Variants in MUC4 observed in about 807,000 individuals in gnomAD.
MUC4 encodes mucin 4, cell surface associated.
A neutral mutation model predicts 257.9 loss-of-function variants in MUC4; 202 were observed. That is an observed-to-expected ratio of 0.78 (90% CI 0.70 to 0.88). MUC4 has a LOEUF of 0.88. Ranked by LOEUF, MUC4 falls within the 40% of genes least tolerant of loss-of-function variation. The pLI is 0.00. For missense variants in MUC4, 5,976 were observed against 6,513.7 expected, an observed-to-expected ratio of 0.92 and a Z score of 2.84; for synonymous variants, 2,351 against 2,757.1, an observed-to-expected ratio of 0.85 and a Z score of 4.62.
At chr3:195,767,510 T>TCACCAC (rs750248612) in intron 7 of MUC4, among the ~76,000 whole-genome samples, 1 of 35,436 alleles carries the variant, frequency 2.8e-5, no homozygotes, top group Non-Finnish European at 7.0e-5. Flanking sequence ...ACCACCACCA[T>TCACCAC]CACCATCACC....
chr3:195,769,203 C>T (rs2148852295), intron 6 of MUC4, 51 bp from the exon 7 acceptor site: 1 of 1,604,574 alleles, frequency 6.2e-7, no homozygotes, highest in African/African-American at 1.3e-5. Context: ...GATCCGGGGT[C>T]TCCTCTCTTA....
chr3:195,798,288 A>G (rs371425278), intron 1 of MUC4, among the ~76,000 whole-genome samples: 1 of 152,252 alleles, frequency 6.6e-6, no homozygotes, highest in East Asian at 1.9e-4. Flanking sequence ...GCATTGAAAT[A>G]TGCCAAAGAA....
At chr3:195,769,297 A>C in intron 6 of MUC4, 145 bp from the exon 7 acceptor site, 12 of 1,250,532 alleles carry the variant, frequency 9.6e-6, no homozygotes, top group Non-Finnish European at 1.1e-5. Context: ...ATGGGCCCAA[A>C]ATGCTGGCAA....
In MUC4 at chr3:195,811,868, A is replaced by C; in HGVS notation, c.-51T>G. The stretch of plus-strand genomic sequence containing the variant: ...CCCTGGGGAAGCTCCACGGCCCAGC[A>C]GCTGCAGTGTGAGGAGCAGACGTGA... On this transcript the variant is annotated 5_prime_UTR_variant, in exon 1 of 25. Transcript: ENST00000463781. 6.3e-7 allele frequency: 1 copy of C among 1,580,520 alleles called. No individual in the cohort carries two copies. The highest frequency in any genetic ancestry group is 8.7e-7 in the Non-Finnish European group (1 of 1,152,120).
rs1720572928 is a variant in MUC4 at position 195,766,691 on chromosome 3, G to A, written c.13590C>T (p.Arg4530=). 6.2e-7 allele frequency: 1 copy of A among 1,614,080 alleles called. No homozygotes were observed. The highest frequency in any genetic ancestry group is 1.3e-5 in the African/African-American group (1 of 74,934). Reference sequence around the variant, plus strand: ...AGTTGGAATTCAGGAATCTATCAGGGCGATACCTCTCCCACACTGGCTGGG... The same window carrying A: ...AGTTGGAATTCAGGAATCTATCAGGACGATACCTCTCCCACACTGGCTGGG... ...LMSQPVWERY[R]PDRFLNSNSG... The change falls in exon 8 of 25, where the codon CGC becomes CGT. Residue 4530 remains arginine, a synonymous_variant. Transcript: ENST00000463781.
At chr3:195,752,569 G>A (rs1350957778) in intron 20 of MUC4, 123 bp from the exon 21 acceptor site, 8 of 786,458 alleles carry the variant, frequency 1.0e-5, no homozygotes, top group South Asian at 1.5e-5. Context: ...TGAAGAAACC[G>A]GGAGAAGTGG....
chr3:195,754,953 T>C (rs538481301), intron 18 of MUC4, among the ~76,000 whole-genome samples: 5 of 17,568 alleles, frequency 2.8e-4, no homozygotes, highest in Admixed American at 2.6e-3. Flanking sequence ...TCCATATGTG[T>C]GTATCCATGT....
At chr3:195,796,850 A>C (rs1180861266) in intron 1 of MUC4, among the ~76,000 whole-genome samples, 1 of 152,230 alleles carries the variant, frequency 6.6e-6, no homozygotes, top group Admixed American at 6.5e-5. Flanking sequence ...ATAATTTTAT[A>C]AGGTTGGAAA....
At position 195,761,106 on chromosome 3, in the gene MUC4, C is replaced by T; in HGVS notation, c.14626G>A (p.Gly4876Arg). The T allele has an allele frequency of 3.7e-6, 6 of 1,614,144 alleles. No individual in the cohort carries two copies. The highest frequency in any genetic ancestry group is 4.2e-6 in the Non-Finnish European group (5 of 1,180,000). The stretch of plus-strand genomic sequence containing the variant: ...TTCCTCTTGCCAAGGAGGCCTGTCC[C>T]GTTGATCTGCCCTGTAACACACAGA... ...FHFGMTWQIN[G>R]TGLLGKRNDQ... is the part of the protein sequence containing the mutation. The change falls in exon 16 of 25, where the codon GGG becomes AGG. Residue 4876 changes from glycine (G) to arginine (R), a missense_variant. Physicochemically the swap from Gly to Arg is moderately radical, Grantham distance 125 (BLOSUM62 -2). This residue lies in a region of MUC4 where 996 missense variants were observed against 1,137.3 expected (regional missense o/e 0.88). Coordinates refer to ENST00000463781, the MANE Select transcript of MUC4 (RefSeq NM_018406.7).
At chr3:195,754,714 GA>G (rs1418576485) in intron 18 of MUC4, among the ~76,000 whole-genome samples, 1 of 150,896 alleles carries the variant, frequency 6.6e-6, no homozygotes, top group Non-Finnish European at 1.5e-5. Context: ...ATTGAAGCAT[GA>G]ATGAATGAAT....
chr3:195,791,470 C>T lies in MUC4; in HGVS notation c.110G>A (p.Gly37Glu). The T allele has an allele frequency of 6.2e-7, 1 of 1,613,694 alleles. No individual in the cohort carries two copies. Residue 37 changes from glycine (G) to glutamate (E), a missense_variant, in exon 2 of 25, where the codon GGA (glycine) becomes GAA (glutamate). By Grantham distance (98) the Gly-to-Glu change is moderately conservative. This residue lies in a region of MUC4 where 1,583 missense variants were observed against 1,257.4 expected (regional missense o/e 1.26). Transcript: ENST00000463781. ...PGTTEDTLIT[G>E]SKTAAPVTST... ...GGTGACTGGGGCAGCAGTTTTACTTCCAGTTATTAATGTGTCCTCTGTGGT... is the reference window on the plus strand; with the variant it reads ...GGTGACTGGGGCAGCAGTTTTACTTTCAGTTATTAATGTGTCCTCTGTGGT...
chr3:195,786,841 C>A lies in MUC4; in HGVS notation c.4739G>T (p.Gly1580Val). Residue 1580 changes from glycine to valine, a missense_variant, in exon 2 of 25, where the codon GGT (glycine) becomes GTT (valine). Around this residue, in one of 44 missense-constraint regions of MUC4, gnomAD observed 63 missense variants for 68.8 expected, o/e 0.92. Coordinates refer to ENST00000463781, the MANE Select transcript of MUC4 (RefSeq NM_018406.7). Reference protein sequence around the residue: ...PVTSPSSASTGHTTPLPVTDT... With the variant: ...PVTSPSSASTVHTTPLPVTDT... ...GGTGACAGGAAGAGGGGTGGTGTGA[C>A]CTGTAGATGCTGAGGAAGGGCTGGT... The A allele has an allele frequency of 6.5e-7, 1 of 1,526,840 alleles. No homozygotes were observed. Among genetic ancestry groups the A allele is most frequent in the Non-Finnish European group, 8.8e-7 (1 of 1,133,678 alleles). 94.6% of individuals were successfully genotyped at this position (1,526,840 alleles called of 1,614,324 possible).
Position 195,805,038 on chromosome 3 carries a change from G to A in MUC4, c.82+6698C>T, listed in dbSNP as rs184287668. On this transcript the variant is annotated intron_variant, in intron 1 of 24. Coordinates refer to ENST00000463781, the MANE Select transcript of MUC4 (RefSeq NM_018406.7). ...GCCTTCAGCCGAGGCTGGAGAGAGG[G>A]TGACGTTGCCTGTTTCTTTATCTTT... Among the ~76,000 whole-genome samples the A allele has an allele frequency of 6.6e-5, 10 of 151,890 alleles. No individual in the cohort carries two copies. In the East Asian group the frequency reaches 1.2e-3, roughly 18 times the overall value.
At chr3:195,778,498 C>A (rs753799371) in intron 2 of MUC4, 43 bp from the exon 3 acceptor site, 5 of 1,601,798 alleles carry the variant, frequency 3.1e-6, no homozygotes, top group Non-Finnish European at 4.3e-6. Context: ...CTTACAGTAA[C>A]AAAACAGGAG....
chr3:195,811,858 A>C lies in MUC4; in HGVS notation c.-41T>G. 2 of 1,596,014 alleles carry C rather than the reference A, an allele frequency of 1.3e-6. No homozygotes were observed. The highest frequency in any genetic ancestry group is 1.1e-5 in the South Asian group (1 of 90,404). ...CCCCCTGGCTCCCTGGGGAAGCTCC[A>C]CGGCCCAGCAGCTGCAGTGTGAGGA... On this transcript the variant is annotated 5_prime_UTR_variant, in exon 1 of 25. Coordinates refer to ENST00000463781, the MANE Select transcript of MUC4 (RefSeq NM_018406.7).
In MUC4 at chr3:195,786,008, G is replaced by A. The variant is rs572164796; in HGVS notation, c.5572C>T (p.Pro1858Ser). 2.0e-6 allele frequency: 3 copies of A among 1,520,698 alleles called. No individual in the cohort carries two copies. The highest frequency in any genetic ancestry group is 2.8e-5 in the African/African-American group (2 of 71,490). The allele number at this position is 1,520,698 out of a possible 1,614,324, so 94.2% of individuals were successfully genotyped here. The change falls in exon 2 of 25, where the codon CCT (proline) becomes TCT (serine). Residue 1858 changes from proline (P) to serine (S), a missense_variant. Transcript: ENST00000463781. ...GACACTGAGGAAGCGTCGGTGACAG[G>A]AAGAGAGGTGGTGTGACCTGAAGAT... ...SASSGHTTSL[P>S]VTDASSVSTG...
rs376032160 is a variant in MUC4 at position 195,788,990 on chromosome 3, C to T, written c.2590G>A (p.Ala864Thr). 8 of 1,613,676 alleles carry T rather than the reference C, an allele frequency of 5.0e-6. No homozygotes were observed. The highest frequency in any genetic ancestry group is 5.9e-6 in the Non-Finnish European group (7 of 1,179,842). The part of the protein sequence containing the change: ...HGAIPVSTGM[A>T]SSIVPGTFHP... ...AAGGTGCCGGGGACGATCGAAGACG[C>T]CATTCCTGTGCTTACTGGGATGGCA... Residue 864 changes from alanine to threonine, a missense_variant, in exon 2 of 25, where the codon GCG becomes ACG. By Grantham distance (58) the Ala-to-Thr change is moderately conservative (BLOSUM62 0). Around this residue, in one of 44 missense-constraint regions of MUC4, gnomAD observed 1,583 missense variants for 1,257.4 expected, o/e 1.26. Coordinates refer to ENST00000463781, the MANE Select transcript of MUC4 (RefSeq NM_018406.7).
chr3:195,751,350 A>T (rs1408233714), intron 21 of MUC4, 79 bp from the exon 22 acceptor site: 3 of 1,085,350 alleles, frequency 2.8e-6, no homozygotes, highest in Non-Finnish European at 4.2e-6. Context: ...TGATGGGTGT[A>T]TTCATCCCTG....
intron 8 of MUC4, 117 bp from the exon 9 acceptor site, chr3:195,765,566 T>C: frequency 9.5e-7 from 1 of 1,048,318 alleles, no homozygotes; most frequent in Non-Finnish European, 1.4e-6. Flanking sequence ...TTCTCACCTC[T>C]TTGGACCCAA....
Sources: gnomAD v4.1 joint callset for allele counts (sites outside exome capture counted in the v4.1 genomes callset) on GRCh38, gnomAD v4.1.1 for gene constraint, gnomAD v4.1.1 regional missense constraint, MANE v1.5 for transcripts, NCBI Gene and HGNC (gene_info 2026-07-23, HGNC 2026-07-21) for gene names.